Variants in POLR1C observed in about 807,000 individuals in gnomAD.
POLR1C encodes RNA polymerase I and III subunit C.
POLR1C carries 42 observed loss-of-function variants against 38.3 expected under a neutral mutation model. The observed-to-expected ratio is 1.10, with a 90% CI of 0.86 to 1.42. The LOEUF is 1.42. Ranked by LOEUF, POLR1C falls within the 40% of genes most tolerant of loss-of-function variation. POLR1C has a pLI of 0.00. For synonymous variants in POLR1C, 163 were observed against 163.9 expected, an observed-to-expected ratio of 0.99 and a Z score of 0.04; for missense variants, 507 against 450.5, an observed-to-expected ratio of 1.13 and a Z score of -1.14.
chr6:43,560,809 C>T (rs1762378210), intron 10 of POLR1C: 1 of 885,824 alleles, frequency 1.1e-6, no homozygotes, highest in Admixed American at 2.0e-5. Flanking sequence ...ACGGTCATTC[C>T]CCAAGGCCTG....
rs757100351 is a variant in POLR1C, at chr6:43,560,056, C to T, written c.*49-1344C>T. 144 of 1,254,384 alleles carry T rather than the reference C, an allele frequency of 1.1e-4. No homozygotes were observed. In the Middle Eastern group the frequency reaches 2.1e-3, roughly 18 times the overall value. The allele number at this position is 1,254,384 out of a possible 1,614,324, so 77.7% of individuals were successfully genotyped here. A position where few individuals can be genotyped will look rare whatever the true frequency, so the allele number is the denominator to read the frequency against. On this transcript the variant is annotated intron_variant, in intron 10 of 10. Coordinates refer to the POLR1C transcript ENST00000607635. ...CTGGTCTCCAACTCCTGGGCTCAAGCGATCCTCCCGCCTCAGCCTTCCATA... is the reference window on the plus strand; with the variant it reads ...CTGGTCTCCAACTCCTGGGCTCAAGTGATCCTCCCGCCTCAGCCTTCCATA...
chr6:43,520,035 T>C, intron 4 of POLR1C, 31 bp from the exon 5 acceptor site: 1 of 1,613,300 alleles, frequency 6.2e-7, no homozygotes, highest in Non-Finnish European at 8.5e-7. Context: ...AGACGTTTAC[T>C]AGTTCTTAGG....
chr6:43,536,674 C>T (rs968040597), intron 9 of POLR1C, among the ~76,000 whole-genome samples: 17 of 138,246 alleles, frequency 1.2e-4, no homozygotes, highest in Non-Finnish European at 1.5e-5. Context: ...GTAGGAGAAT[C>T]GCTTGAACCC....
At chr6:43,524,679 T>C (rs1225834923), downstream of POLR1C, 2 of 1,599,574 alleles carry the variant, frequency 1.3e-6, no homozygotes, top group Non-Finnish European at 1.7e-6. Context: ...GGTTTGGATA[T>C]TGCCACCCTC....
At chr6:43,558,200 C>T (rs1215565533) in intron 10 of POLR1C, among the ~76,000 whole-genome samples, 1 of 151,650 alleles carries the variant, frequency 6.6e-6, no homozygotes, top group South Asian at 2.1e-4. Flanking sequence ...AAAGAAATAA[C>T]CATAAGGTAA....
downstream of POLR1C, among the ~76,000 whole-genome samples, chr6:43,531,105 G>A (rs944277213): frequency 1.3e-5 from 2 of 152,182 alleles, no homozygotes; most frequent in Non-Finnish European, 2.9e-5. Flanking sequence ...AAGCCCATGA[G>A]GGCCAGTTAC....
chr6:43,559,877 G>A (rs1762316610), intron 10 of POLR1C, among the ~76,000 whole-genome samples: 1 of 151,924 alleles, frequency 6.6e-6, no homozygotes. Context: ...GTGCAGTGCT[G>A]CGATCTCAGC....
chr6:43,520,167 CTG>C lies in POLR1C; in HGVS notation c.486_487del (p.Tyr163ArgfsTer20). On this transcript the variant is annotated frameshift_variant, in exon 5 of 9. Coordinates refer to ENST00000642195, the MANE Select transcript of POLR1C (RefSeq NM_203290.4). LOFTEE classifies it high-confidence loss of function. ...TAAAGATTCCTCTGACCCCAACGAA[CTG>C]TACGTGAACCACAAAGGTGAGTAGT... ...AAKDSSDPNELYVNHKVYTRH... is the reference protein window; with the variant it reads ...AAKDSSDPNEXYVNHKVYTRH... The C allele has an allele frequency of 6.2e-7, 1 of 1,614,226 alleles. No homozygotes were observed. The highest frequency in any genetic ancestry group is 1.6e-4 in the Middle Eastern group (1 of 6,062).
intron 9 of POLR1C, chr6:43,547,755 G>A: frequency 6.4e-7 from 1 of 1,557,478 alleles, no homozygotes; most frequent in Non-Finnish European, 8.8e-7. Context: ...CTTTAAACAA[G>A]GACAGTTTCT....
intron 9 of POLR1C, among the ~76,000 whole-genome samples, chr6:43,540,947 G>A (rs1282437672): frequency 6.6e-6 from 1 of 151,874 alleles, no homozygotes; most frequent in Non-Finnish European, 1.5e-5. Context: ...CTTGTCATTT[G>A]CAACAATATG....
intron 10 of POLR1C, among the ~76,000 whole-genome samples, chr6:43,560,675 G>A (rs1239181326): frequency 6.6e-6 from 1 of 152,090 alleles, no homozygotes; most frequent in Non-Finnish European, 1.5e-5. Flanking sequence ...AACCACCTGG[G>A]ACACACCTCA....
intron 10 of POLR1C, among the ~76,000 whole-genome samples, chr6:43,551,969 G>A (rs752621049): frequency 2.6e-4 from 39 of 152,070 alleles, no homozygotes; most frequent in Non-Finnish European, 5.1e-4. Context: ...ACTCAGCTGT[G>A]CGTGCCCTTC....
chr6:43,527,046 A>C, intron 8 of POLR1C: 2 of 304,784 alleles, frequency 6.6e-6, no homozygotes, highest in East Asian at 5.6e-5. Flanking sequence ...AACAAACAAA[A>C]TGACACAGTA....
At chr6:43,529,061 AAAATCTT>A (rs1256203917) in intron 8 of POLR1C, 3 of 1,115,548 alleles carry the variant, frequency 2.7e-6, no homozygotes, top group African/African-American at 3.1e-5. Flanking sequence ...TAACAGTGAA[AAAATCTT>A]AAAGTTCTTT....
downstream of POLR1C, among the ~76,000 whole-genome samples, chr6:43,533,135 GAAAAC>G (rs751220562): frequency 2.1e-4 from 31 of 149,638 alleles, no homozygotes; most frequent in South Asian, 4.3e-4. Context: ...ACTCTCTCAA[GAAAAC>G]AAAACAAAAC....
intron 9 of POLR1C, chr6:43,548,564 A>G: frequency 9.6e-7 from 1 of 1,046,414 alleles, no homozygotes; most frequent in Non-Finnish European, 1.3e-6. Flanking sequence ...AGTCCCAGGA[A>G]AGTCAGGCCT....
chr6:43,555,240 C>G (rs1038490340), intron 10 of POLR1C: 3 of 152,184 alleles, frequency 2.0e-5, no homozygotes, highest in African/African-American at 7.2e-5. Flanking sequence ...CTGCATCCAG[C>G]CTTTTTGCTT....
downstream of POLR1C, chr6:43,525,037 G>A: frequency 6.3e-7 from 1 of 1,585,548 alleles, no homozygotes; most frequent in East Asian, 2.3e-5. Context: ...CAGTTCTTCT[G>A]AATGATTTAG....
chr6:43,527,085 T>C (rs1054453098), intron 8 of POLR1C: 9 of 258,854 alleles, frequency 3.5e-5, no homozygotes, highest in Non-Finnish European at 6.8e-5. Context: ...ACAGCCTCCA[T>C]GTCCAAGAAT....
Sources: allele counts gnomAD v4.1 joint callset (sites outside exome capture counted in the v4.1 genomes callset), GRCh38; gene constraint gnomAD v4.1.1; transcripts MANE v1.5; gene names NCBI Gene and HGNC (gene_info 2026-07-23, HGNC 2026-07-21).